The following PHACTR1 variants were observed in gnomAD, a reference collection of about 807,000 sequenced individuals.
PHACTR1 encodes the protein RPEL repeat containing 1.
A neutral mutation model predicts 69.2 loss-of-function variants in PHACTR1; 16 were observed. The observed-to-expected ratio is 0.23, with a 90% confidence interval of 0.16 to 0.35. PHACTR1 has a LOEUF of 0.35. Ranked by LOEUF, PHACTR1 falls within the 10% of genes least tolerant of loss-of-function variation. The pLI, the probability that PHACTR1 is intolerant of heterozygous loss-of-function variation, is 1.00. For synonymous variants in PHACTR1, 312 were observed against 284.5 expected (o/e 1.10, Z -0.97); for missense variants, 510 against 734.7 (o/e 0.69, Z 3.54).
chr6:13,072,253 C>A (rs895128925), intron 5 of PHACTR1, among the ~76,000 whole-genome samples: 1 of 152,110 alleles, frequency 6.6e-6, no homozygotes, highest in Non-Finnish European at 1.5e-5. Flanking sequence ...GAATCCTAAT[C>A]GTGGATACAT....
chr6:12,835,276 A>C (rs1160797316), intron 4 of PHACTR1, among the ~76,000 whole-genome samples: 1 of 151,990 alleles, frequency 6.6e-6, no homozygotes, highest in Non-Finnish European at 1.5e-5. Flanking sequence ...TGGAGAGAGG[A>C]AAATGAGGTT....
intron 4 of PHACTR1, among the ~76,000 whole-genome samples, chr6:12,792,150 G>A (rs1470607435): frequency 6.6e-6 from 1 of 152,034 alleles, no homozygotes; most frequent in East Asian, 1.9e-4. Context: ...CAATGCAATT[G>A]CACCATAGTT....
At chr6:13,162,487 C>A (rs1759188146) in intron 6 of PHACTR1, among the ~76,000 whole-genome samples, 1 of 151,924 alleles carries the variant, frequency 6.6e-6, no homozygotes, top group East Asian at 1.9e-4. Context: ...CCCATATTCA[C>A]CCCCCAGGAG....
At chr6:12,855,593 G>C (rs1780265611) in intron 4 of PHACTR1, among the ~76,000 whole-genome samples, 1 of 152,000 alleles carries the variant, frequency 6.6e-6, no homozygotes, top group African/African-American at 2.4e-5. Flanking sequence ...GCTAAATTTT[G>C]GGTTCACAGG....
chr6:12,850,642 AC>A (rs761606892), intron 4 of PHACTR1, among the ~76,000 whole-genome samples: 19 of 152,136 alleles, frequency 1.2e-4, no homozygotes, highest in Non-Finnish European at 2.4e-4. Context: ...TGAGTCTGAA[AC>A]CAAGGTGTCA....
In PHACTR1 at chr6:13,208,634, C is replaced by CCG. The variant is rs1554160338; in HGVS notation, c.986+2499_986+2500insGC. 2.6e-3 allele frequency among the ~76,000 whole-genome samples: 390 copies of CCG among 150,772 alleles called. 2 individuals are homozygous for CCG. Among genetic ancestry groups the CCG allele is most frequent in the African/African-American group, 9.1e-3 (375 of 41,252 alleles). On this transcript the variant is annotated intron_variant, in intron 8 of 14. Transcript: ENST00000332995. ...GCAGCCAACGTCATTGCTGCCCACC[C>CCG]CCCCAACCCCATGTCTACATGCACC...
chr6:12,752,728 T>C (rs1766780999), intron 4 of PHACTR1, among the ~76,000 whole-genome samples: 1 of 152,230 alleles, frequency 6.6e-6, no homozygotes, highest in Non-Finnish European at 1.5e-5. Flanking sequence ...TCTCCAACAG[T>C]ACTTAATAAT....
intron 5 of PHACTR1, among the ~76,000 whole-genome samples, chr6:13,132,090 C>A (rs1232775877): frequency 1.3e-5 from 2 of 152,188 alleles, no homozygotes; most frequent in Non-Finnish European, 2.9e-5. Flanking sequence ...TCTCAGGCAT[C>A]AAATTCATCT....
intron 4 of PHACTR1, among the ~76,000 whole-genome samples, chr6:12,806,915 A>G (rs1774413093): frequency 6.6e-6 from 1 of 152,222 alleles, no homozygotes; most frequent in Non-Finnish European, 1.5e-5. Flanking sequence ...GCAATTACAA[A>G]TCTGGAGTTT....
intron 4 of PHACTR1, among the ~76,000 whole-genome samples, chr6:13,036,514 A>T (rs1803330630): frequency 6.6e-6 from 1 of 152,226 alleles, no homozygotes; most frequent in South Asian, 2.1e-4. Flanking sequence ...ACTCTTCAAT[A>T]ATATGTCAAA....
chr6:13,264,023 T>TTGA (rs1334544173), intron 10 of PHACTR1, among the ~76,000 whole-genome samples: 1 of 152,218 alleles, frequency 6.6e-6, no homozygotes, highest in Non-Finnish European at 1.5e-5. Flanking sequence ...AAGCTGGAGC[T>TTGA]TTATGCTTTG....
At chr6:13,014,886 C>A (rs1195313628) in intron 4 of PHACTR1, among the ~76,000 whole-genome samples, 1 of 152,246 alleles carries the variant, frequency 6.6e-6, no homozygotes, top group Non-Finnish European at 1.5e-5. Context: ...CCGGCGCGGA[C>A]CAGGCAGAAG....
chr6:12,973,256 T>C (rs1362662463), intron 4 of PHACTR1, among the ~76,000 whole-genome samples: 1 of 152,182 alleles, frequency 6.6e-6, no homozygotes, highest in Non-Finnish European at 1.5e-5. Flanking sequence ...ACCTTTTCTT[T>C]ATTTATAACA....
intron 4 of PHACTR1, among the ~76,000 whole-genome samples, chr6:13,032,990 T>TA (rs1254933413): frequency 5.3e-5 from 8 of 152,242 alleles, no homozygotes; most frequent in African/African-American, 1.7e-4. Flanking sequence ...TTTGTAAAAT[T>TA]AAAAAAAGTT....
intron 3 of PHACTR1, among the ~76,000 whole-genome samples, chr6:12,728,524 C>T (rs1296965667): frequency 6.6e-6 from 1 of 152,114 alleles, no homozygotes; most frequent in Non-Finnish European, 1.5e-5. Flanking sequence ...TTGCACAGCT[C>T]TGAGTTCAAA....
chr6:12,895,742 G>A (rs1409700340), intron 4 of PHACTR1, among the ~76,000 whole-genome samples: 4 of 152,146 alleles, frequency 2.6e-5, no homozygotes, highest in Admixed American at 6.5e-5. Flanking sequence ...ATTGATTCTC[G>A]AGCCTAGCTG....
At chr6:13,267,856 A>G (rs1179254567) in intron 10 of PHACTR1, 4 of 23,202 alleles carry the variant, frequency 1.7e-4, no homozygotes, top group Non-Finnish European at 1.5e-3. Flanking sequence ...AAAAAAAAAA[A>G]AAAAAAAAAA....
At chr6:12,992,257 T>A (rs1251697181) in intron 4 of PHACTR1, among the ~76,000 whole-genome samples, 1 of 152,240 alleles carries the variant, frequency 6.6e-6, no homozygotes, top group Non-Finnish European at 1.5e-5. Flanking sequence ...CTTCATATTT[T>A]AAAAATTGAA....
intron 10 of PHACTR1, among the ~76,000 whole-genome samples, chr6:13,253,803 G>C (rs1351358652): frequency 1.3e-5 from 2 of 152,224 alleles, no homozygotes; most frequent in Non-Finnish European, 2.9e-5. Flanking sequence ...GGACATCTGT[G>C]CCTCCACATT....
Sources: gnomAD v4.1 joint callset for allele counts (sites outside exome capture counted in the v4.1 genomes callset) on GRCh38, gnomAD v4.1.1 for gene constraint, MANE v1.5 for transcripts, NCBI Gene and HGNC (gene_info 2026-07-23, HGNC 2026-07-21) for gene names.